The following SOWAHB variants were observed in gnomAD, a reference collection of about 807,000 sequenced individuals.
SOWAHB encodes sosondowah ankyrin repeat domain family member B.
SOWAHB carries 17 observed loss-of-function variants against 18.3 expected under a neutral mutation model. The observed-to-expected ratio is 0.93, with a 90% CI of 0.64 to 1.40. SOWAHB has a LOEUF of 1.40. Among genes scored for constraint, SOWAHB ranks in the 40% most tolerant of loss-of-function variants. SOWAHB has a pLI of 0.00. For synonymous variants in SOWAHB, 496 were observed against 448.1 expected (o/e 1.11, Z -1.35); for missense variants, 1,126 against 1,033.7 (o/e 1.09, Z -1.22).
Position 76,895,479 on chromosome 4 carries a change from A to G in SOWAHB, c.2371T>C (p.Tyr791His). The part of the protein sequence containing the change: ...KFHSPREREE[Y>H]SD ...CAGAGAGACCCACCTCAGTCACTAT[A>G]CTCTTCTCTTTCCCTTGGACTGTGG... is the stretch of plus-strand genomic sequence containing the variant. The change falls in exon 1 of 1, where the codon TAT (tyrosine) becomes CAT (histidine). Residue 791 changes from tyrosine to histidine, a missense_variant. Transcript: ENST00000334306. 6.2e-7 allele frequency: 1 copy of G among 1,601,972 alleles called. No homozygotes were observed. Among genetic ancestry groups the G allele is most frequent in the Non-Finnish European group, 8.5e-7 (1 of 1,174,166 alleles).
chr4:76,897,118 G>C lies in SOWAHB; in HGVS notation c.732C>G (p.Gly244=), dbSNP rs761456365. The C allele has an allele frequency of 2.7e-5, 41 of 1,539,250 alleles. No homozygotes were observed. The highest frequency in any genetic ancestry group is 3.0e-5 in the Non-Finnish European group (35 of 1,148,632). The change falls in exon 1 of 1, where the codon GGC becomes GGG. Residue 244 remains glycine, a synonymous_variant. Coordinates refer to ENST00000334306, the MANE Select transcript of SOWAHB (RefSeq NM_001029870.3). This position sits in a 1 kb window ranked among gnomAD's most constrained non-coding sequence, Gnocchi z 6.4. ...DRGASREREE[G]ALAEPAPVPA... ...GCACAGGCGCCGGCTCAGCTAGCGC[G>C]CCTTCTTCCCGCTCCCTGGAAGCCC...
At position 76,896,674 on chromosome 4, in the gene SOWAHB, T is replaced by C; in HGVS notation, c.1176A>G (p.Gln392=). The change falls in exon 1 of 1, where the codon CAA becomes CAG. Residue 392 remains glutamine, a synonymous_variant. Transcript: ENST00000334306. ...FRSIRCQLSL[Q]DLDDFVDQES... ...CCTGGTCCACAAAGTCATCCAGATC[T>C]TGGAGGGACAGCTGACAACGAATGC... The C allele has an allele frequency of 6.2e-7, 1 of 1,614,082 alleles. No homozygotes were observed. Among genetic ancestry groups the C allele is most frequent in the Non-Finnish European group, 8.5e-7 (1 of 1,180,032 alleles).
rs2645673 is a variant in SOWAHB at position 76,895,076 on chromosome 4, A to G, written c.*392T>C. 46,528 of 160,666 alleles carry G rather than the reference A, an allele frequency of 0.29. 7,760 individuals carry two copies. Among genetic ancestry groups the G allele is most frequent in the African/African-American group, 0.47 (19,574 of 41,752 alleles). 10.0% of individuals were successfully genotyped at this position (160,666 alleles called of 1,614,324 possible). ...AGAGCTACTAGCCAGAGAGGATTTT[A>G]ATTGTGCTTCATCAATTCCTCGAAT... On this transcript the variant is annotated 3_prime_UTR_variant, in exon 1 of 1. Coordinates refer to ENST00000334306, the MANE Select transcript of SOWAHB (RefSeq NM_001029870.3).
chr4:76,895,650 C>G lies in SOWAHB; in HGVS notation c.2200G>C (p.Val734Leu), dbSNP rs764986500. The change falls in exon 1 of 1, where the codon GTC becomes CTC. Residue 734 changes from valine (V) to leucine (L), a missense_variant. Physicochemically the swap from Val to Leu is conservative, Grantham distance 32 (BLOSUM62 1). Transcript: ENST00000334306. ...GAPRGKPIFP[V>L]YPLVGSSSPT... is the part of the protein sequence containing the mutation. ...GAAGAACTTCCAACTAAGGGATAGACAGGGAAAATGGGCTTGCCCCGAGGA... is the reference window on the plus strand; with the variant it reads ...GAAGAACTTCCAACTAAGGGATAGAGAGGGAAAATGGGCTTGCCCCGAGGA... The G allele has an allele frequency of 6.2e-7, 1 of 1,614,216 alleles. No homozygotes were observed. The highest frequency in any genetic ancestry group is 1.1e-5 in the South Asian group (1 of 91,080).
Position 76,896,790 on chromosome 4 carries a change from G to A in SOWAHB, c.1060C>T (p.Pro354Ser), listed in dbSNP as rs752420285. 1.2e-6 allele frequency: 2 copies of A among 1,613,746 alleles called. No individual in the cohort carries two copies. Among genetic ancestry groups the A allele is most frequent in the South Asian group, 1.1e-5 (1 of 91,094 alleles). ...STEPNSEPPD[P>S]CLSSHSLFPV... ...AAGAGAGAGTGCGAGGAAAGACAGG[G>A]GTCTGGCGGCTCTGAATTAGGCTCC... Residue 354 changes from proline (P) to serine (S), a missense_variant, in exon 1 of 1, where the codon CCC (proline) becomes TCC (serine). By Grantham distance (74) the Pro-to-Ser change is moderately conservative. Transcript: ENST00000334306.
Position 76,896,557 on chromosome 4 carries a change from A to G in SOWAHB, c.1293T>C (p.Asp431=), listed in dbSNP as rs957419664. Residue 431 remains aspartate, a synonymous_variant, in exon 1 of 1, where the codon GAT becomes GAC. Transcript: ENST00000334306. ...CAGCTGGATTCCTGAGCTTCCCCCT[A>G]TCTGGGGTTCCCAAGACAACCTGCA... ...EGLQVVLGTP[D]RGKLRNPAGG... is the part of the protein sequence containing the mutation. 1 of 1,613,284 alleles carries G rather than the reference A, an allele frequency of 6.2e-7. No homozygotes were observed. Among genetic ancestry groups the G allele is most frequent in the Non-Finnish European group, 8.5e-7 (1 of 1,179,938 alleles).
chr4:76,896,053 C>T lies in SOWAHB; in HGVS notation c.1797G>A (p.Glu599=). 1 of 1,606,240 alleles carries T rather than the reference C, an allele frequency of 6.2e-7. No individual in the cohort carries two copies. Among genetic ancestry groups the T allele is most frequent in the Non-Finnish European group, 8.5e-7 (1 of 1,176,578 alleles). The change falls in exon 1 of 1, where the codon GAG becomes GAA. Residue 599 remains glutamate (E), a synonymous_variant. Coordinates refer to ENST00000334306, the MANE Select transcript of SOWAHB (RefSeq NM_001029870.3). ...SLVPLDAREH[E]WIVKLASGSW... is the part of the protein sequence containing the mutation. ...AGCCACTGGCAAGCTTCACAATCCACTCATGCTCCCTGGCATCTAGTGGAA... is the reference window on the plus strand; with the variant it reads ...AGCCACTGGCAAGCTTCACAATCCATTCATGCTCCCTGGCATCTAGTGGAA...
rs1455993017 is a variant in SOWAHB, at chr4:76,898,137, C to A, written c.-288G>T. On this transcript the variant is annotated 5_prime_UTR_variant, in exon 1 of 1. Coordinates refer to ENST00000334306, the MANE Select transcript of SOWAHB (RefSeq NM_001029870.3). ...AGCCTCTCGCAACGAGTCCTCACAGCGAAAGTTCCCGGGATAGGGCCGAGT... is the reference window on the plus strand; with the variant it reads ...AGCCTCTCGCAACGAGTCCTCACAGAGAAAGTTCCCGGGATAGGGCCGAGT... 7 of 406,792 alleles carry A rather than the reference C, an allele frequency of 1.7e-5. No individual in the cohort carries two copies. The highest frequency in any genetic ancestry group is 6.4e-5 in the African/African-American group (3 of 46,944). The allele number at this position is 406,792 out of a possible 1,614,324, so 25.2% of individuals were successfully genotyped here.
In SOWAHB at chr4:76,894,717, T is replaced by C. The variant is rs1560660494; in HGVS notation, c.*751A>G. ...TGGTTTTTACATTTGGAAAGTTCCC[T>C]TCGGGTTGATACAAAAAAGCAGGGC... On this transcript the variant is annotated 3_prime_UTR_variant, in exon 1 of 1. Transcript: ENST00000334306. 6.6e-6 allele frequency among the ~76,000 whole-genome samples: 1 copy of C among 152,176 alleles called. No homozygotes were observed. The highest frequency in any genetic ancestry group is 2.4e-5 in the African/African-American group (1 of 41,436).
Position 76,897,025 on chromosome 4 carries a change from G to C in SOWAHB, c.825C>G (p.Leu275=). The stretch of plus-strand genomic sequence containing the variant: ...CTCCGCGGGGAGCGGGGCCGGGCAG[G>C]AGAGCAGGCGGGGAAGCCCTGCTTG... ...AATSRASPPA[L]LPGPAPRGDR... is the part of the protein sequence containing the mutation. Residue 275 remains leucine, a synonymous_variant, in exon 1 of 1, where the codon CTC becomes CTG. Transcript: ENST00000334306. The surrounding 1 kb of genome is among the most constrained non-coding windows in gnomAD (Gnocchi z 6.4). 6.4e-7 allele frequency: 1 copy of C among 1,552,734 alleles called. No homozygotes were observed. The highest frequency in any genetic ancestry group is 8.7e-7 in the Non-Finnish European group (1 of 1,155,544).
Position 76,896,974 on chromosome 4 carries a change from G to A in SOWAHB, c.876C>T (p.Ser292=). 6.3e-7 allele frequency: 1 copy of A among 1,591,940 alleles called. No individual in the cohort carries two copies. The highest frequency in any genetic ancestry group is 8.5e-7 in the Non-Finnish European group (1 of 1,171,512). ...RGDRPELLTP[S]SLHYSTLQQQ... Reference sequence around the variant, plus strand: ...GCTGCAGGGTCGAATAATGCAGGGAGCTGGGGGTCAGCAGCTCCGGCCGGT... The same window carrying A: ...GCTGCAGGGTCGAATAATGCAGGGAACTGGGGGTCAGCAGCTCCGGCCGGT... Residue 292 remains serine (S), a synonymous_variant, in exon 1 of 1, where the codon AGC becomes AGT. Transcript: ENST00000334306.
chr4:76,896,410 G>T lies in SOWAHB; in HGVS notation c.1440C>A (p.His480Gln), dbSNP rs752843982. Residue 480 changes from histidine (H) to glutamine (Q), a missense_variant, in exon 1 of 1, where the codon CAC (histidine) becomes CAA (glutamine). Transcript: ENST00000334306. ...CTGGCCAAGGCAAAGGCTTCAGGGG[G>T]TGGCCTGCAAGGCCATTAGCCCCTG... ...VPAGANGLAGHPLKPLPWPVP... is the reference protein window; with the variant it reads ...VPAGANGLAGQPLKPLPWPVP... 1 of 1,602,360 alleles carries T rather than the reference G, an allele frequency of 6.2e-7. No homozygotes were observed. The highest frequency in any genetic ancestry group is 2.2e-5 in the East Asian group (1 of 44,702).
In SOWAHB at chr4:76,898,092, G is replaced by GGCC. The variant is rs1719981569; in HGVS notation, c.-246_-244dup. ...TCTGCGTGAGAGAGGGCGGCTCCGA[G>GGCC]GCCGCCCCTGCGCGACTCTAGCCTC... is the stretch of plus-strand genomic sequence containing the variant. On this transcript the variant is annotated 5_prime_UTR_variant, in exon 1 of 1. Coordinates refer to ENST00000334306, the MANE Select transcript of SOWAHB (RefSeq NM_001029870.3). The GGCC allele has an allele frequency of 2.0e-6, 1 of 503,778 alleles. No homozygotes were observed. The highest frequency in any genetic ancestry group is 3.6e-5 in the East Asian group (1 of 27,794). The allele number at this position is 503,778 out of a possible 1,614,324, so 31.2% of individuals were successfully genotyped here. A position where few individuals can be genotyped will look rare whatever the true frequency, so the allele number is the denominator to read the frequency against.
In SOWAHB at chr4:76,896,105, C is replaced by G; in HGVS notation, c.1745G>C (p.Arg582Thr). 1 of 1,580,818 alleles carries G rather than the reference C, an allele frequency of 6.3e-7. No homozygotes were observed. ...GEGSAALAPH[R>T]TSEHKSSLVP... ...CAGGGATGATTTGTGCTCAGAAGTT[C>G]TGTGGGGGGCCAAGGCTGCAGACCC... is the stretch of plus-strand genomic sequence containing the variant. The change falls in exon 1 of 1, where the codon AGA (arginine) becomes ACA (threonine). Residue 582 changes from arginine (R) to threonine (T), a missense_variant. Transcript: ENST00000334306.
rs1410741918 is a variant in SOWAHB at position 76,895,364 on chromosome 4, AC to A, written c.*103del. ...AGGGAGGTCAACACCATCTCACTCG[AC>A]CATCCTCTTTACCAACTCTCAGCAG... On this transcript the variant is annotated 3_prime_UTR_variant, in exon 1 of 1. Transcript: ENST00000334306. 5.2e-6 allele frequency: 6 copies of A among 1,163,896 alleles called. No homozygotes were observed. The highest frequency in any genetic ancestry group is 7.3e-6 in the Non-Finnish European group (6 of 821,786). 72.1% of individuals were successfully genotyped at this position (1,163,896 alleles called of 1,614,324 possible).
At position 76,897,589 on chromosome 4, in the gene SOWAHB, C is replaced by T. The variant is rs1451560415; in HGVS notation, c.261G>A (p.Gln87=). 1 of 1,606,630 alleles carries T rather than the reference C, an allele frequency of 6.2e-7. No individual in the cohort carries two copies. The highest frequency in any genetic ancestry group is 2.2e-5 in the East Asian group (1 of 44,794). Residue 87 remains glutamine, a synonymous_variant, in exon 1 of 1, where the codon CAG becomes CAA. Transcript: ENST00000334306. The surrounding 1 kb of genome is among the most constrained non-coding windows in gnomAD (Gnocchi z 6.4). ...YRDLLGEEGL[Q]RPREPPAAAP... The stretch of plus-strand genomic sequence containing the variant: ...CGGCCGCGGGCGGCTCGCGGGGTCG[C>T]TGCAGCCCCTCCTCCCCCAAAAGGT...
chr4:76,895,811 T>G lies in SOWAHB; in HGVS notation c.2039A>C (p.His680Pro). The change falls in exon 1 of 1, where the codon CAC becomes CCC. Residue 680 changes from histidine to proline, a missense_variant. Coordinates refer to ENST00000334306, the MANE Select transcript of SOWAHB (RefSeq NM_001029870.3). ...CAATTTGATGACCCCCTGGTGGCCGTGAATGGCTGCAAGGTGCAGCGGGGT... is the reference window on the plus strand; with the variant it reads ...CAATTTGATGACCCCCTGGTGGCCGGGAATGGCTGCAAGGTGCAGCGGGGT... ...GYTPLHLAAI[H>P]GHQGVIKLLV... 3.1e-6 allele frequency: 5 copies of G among 1,614,196 alleles called. No individual in the cohort carries two copies. The highest frequency in any genetic ancestry group is 4.2e-6 in the Non-Finnish European group (5 of 1,180,032).
rs1227815835 is a variant in SOWAHB at position 76,897,144 on chromosome 4, C to A, written c.706G>T (p.Gly236Trp). Residue 236 changes from glycine (G) to tryptophan (W), a missense_variant, in exon 1 of 1, where the codon GGG becomes TGG. Transcript: ENST00000334306. The surrounding 1 kb of genome is among the most constrained non-coding windows in gnomAD (Gnocchi z 6.4). ...ARALPAQDDR[G>W]ASREREEGAL... is the part of the protein sequence containing the mutation. ...CCTTCTTCCCGCTCCCTGGAAGCCCCGCGGTCATCCTGGGCAGGCAGAGCC... is the reference window on the plus strand; with the variant it reads ...CCTTCTTCCCGCTCCCTGGAAGCCCAGCGGTCATCCTGGGCAGGCAGAGCC... 3 of 1,549,066 alleles carry A rather than the reference C, an allele frequency of 1.9e-6. No individual in the cohort carries two copies. The highest frequency in any genetic ancestry group is 2.6e-6 in the Non-Finnish European group (3 of 1,154,168).
rs375694665 is a variant in SOWAHB at position 76,897,736 on chromosome 4, G to T, written c.114C>A (p.Asp38Glu). ...GGTGCTGGTGCTGGCTGGGGGACGC[G>T]TCGGGGTCTCGGAGAAAGCTCTTGA... Reference protein sequence around the residue: ...SHFKSFLRDPDASPSQHQHRR... With the variant: ...SHFKSFLRDPEASPSQHQHRR... Residue 38 changes from aspartate (D) to glutamate (E), a missense_variant, in exon 1 of 1, where the codon GAC becomes GAA. Physicochemically the swap from Asp to Glu is conservative, Grantham distance 45. Transcript: ENST00000334306. This position sits in a 1 kb window ranked among gnomAD's most constrained non-coding sequence, Gnocchi z 6.4. 16 of 1,609,554 alleles carry T rather than the reference G, an allele frequency of 9.9e-6. No individual in the cohort carries two copies. The highest frequency in any genetic ancestry group is 1.3e-5 in the Non-Finnish European group (15 of 1,179,896).
Sources: allele counts gnomAD v4.1 joint callset (sites outside exome capture counted in the v4.1 genomes callset), GRCh38; gene constraint gnomAD v4.1.1; non-coding constraint Gnocchi (gnomAD v3.1); transcripts MANE v1.5; gene names NCBI Gene and HGNC (gene_info 2026-07-23, HGNC 2026-07-21).